Variants in ODAD2 observed in about 807,000 individuals in gnomAD.
The protein encoded by ODAD2 is outer dynein arm-docking complex subunit 2.
ODAD2 carries 89 observed loss-of-function variants against 106.8 expected under a neutral mutation model. The ratio of observed to expected loss-of-function variants is 0.83; its 90% confidence interval spans 0.70 to 0.99. The LOEUF is 0.99. ODAD2 is among the 50% of genes least tolerant of loss of function. ODAD2 has a pLI of 0.00. For synonymous variants in ODAD2, 404 were observed against 436.2 expected (o/e 0.93, Z 0.92); for missense variants, 1,168 against 1,238.5 (o/e 0.94, Z 0.85).
At chr10:27,826,242 C>T (rs1487788041) in intron 19 of ODAD2, among the ~76,000 whole-genome samples, 2 of 152,178 alleles carry the variant, frequency 1.3e-5, no homozygotes, top group Admixed American at 6.5e-5. Context: ...AGGTTTGACT[C>T]TCTGTTCTCT....
At chr10:27,936,070 T>C (rs780821955) in intron 15 of ODAD2, among the ~76,000 whole-genome samples, 1 of 152,182 alleles carries the variant, frequency 6.6e-6, no homozygotes, top group Non-Finnish European at 1.5e-5. Context: ...CACTACGCCT[T>C]ATTAAGTAAA....
intron 19 of ODAD2, among the ~76,000 whole-genome samples, chr10:27,851,723 C>G (rs939181295): frequency 6.6e-6 from 1 of 151,936 alleles, no homozygotes; most frequent in African/African-American, 2.4e-5. Context: ...GTGGCGTTTA[C>G]AAGGACAGTA....
chr10:27,917,608 G>C (rs1457465073), intron 16 of ODAD2, among the ~76,000 whole-genome samples: 1 of 151,940 alleles, frequency 6.6e-6, no homozygotes, highest in South Asian at 2.1e-4. Context: ...GAATAAAAAT[G>C]GTAAACCACT....
At chr10:27,922,168 A>G (rs1050847228) in intron 16 of ODAD2, among the ~76,000 whole-genome samples, 1 of 150,304 alleles carries the variant, frequency 6.7e-6, no homozygotes, top group Non-Finnish European at 1.5e-5. Context: ...AAAAAAAAAA[A>G]GAAAGAAAAC....
At chr10:27,998,819 C>T (rs896022891) in intron 1 of ODAD2, among the ~76,000 whole-genome samples, 175 bp downstream of exon 1, 1 of 152,130 alleles carries the variant, frequency 6.6e-6, no homozygotes, top group Non-Finnish European at 1.5e-5. Flanking sequence ...CACCCTGCCC[C>T]CCGCAGTCGG....
At chr10:27,861,718 A>G (rs548484912) in intron 18 of ODAD2, among the ~76,000 whole-genome samples, 1 of 152,344 alleles carries the variant, frequency 6.6e-6, no homozygotes, top group Non-Finnish European at 1.5e-5. Context: ...TTGTATACGT[A>G]ATTGCCCTGT....
At chr10:27,899,158 G>C (rs1419429938) in intron 17 of ODAD2, among the ~76,000 whole-genome samples, 1 of 151,668 alleles carries the variant, frequency 6.6e-6, no homozygotes, top group Non-Finnish European at 1.5e-5. Context: ...GCCCACGGAG[G>C]GCAAGCAGAA....
chr10:27,995,950 T>A (rs561051811), intron 1 of ODAD2, among the ~76,000 whole-genome samples: 1 of 152,320 alleles, frequency 6.6e-6, no homozygotes, highest in South Asian at 2.1e-4. Context: ...AGCCTTTTTA[T>A]CTAAATTAGT....
chr10:27,871,304 T>C (rs1370691198), intron 17 of ODAD2, among the ~76,000 whole-genome samples: 1 of 152,236 alleles, frequency 6.6e-6, no homozygotes, highest in African/African-American at 2.4e-5. Flanking sequence ...ATTCTGTAGG[T>C]TGCCTGTTCA....
At chr10:27,995,481 A>T (rs556047739) in intron 1 of ODAD2, among the ~76,000 whole-genome samples, 1 of 152,074 alleles carries the variant, frequency 6.6e-6, no homozygotes, top group South Asian at 2.1e-4. Context: ...CAAATAGAAA[A>T]CTCCAAGAGT....
At chr10:27,962,078 C>T (rs1416905414) in intron 9 of ODAD2, among the ~76,000 whole-genome samples, 8 of 152,046 alleles carry the variant, frequency 5.3e-5, no homozygotes, top group Admixed American at 3.3e-4. Context: ...TGTCTCAAAA[C>T]ATAAAAATAA....
intron 19 of ODAD2, among the ~76,000 whole-genome samples, chr10:27,814,220 T>A (rs897304741): frequency 1.3e-5 from 2 of 152,086 alleles, no homozygotes; most frequent in African/African-American, 4.8e-5. Flanking sequence ...ACTCGCAGAT[T>A]GAATCCCAGC....
chr10:27,888,908 T>C (rs1191759525), intron 17 of ODAD2, among the ~76,000 whole-genome samples: 1 of 152,144 alleles, frequency 6.6e-6, no homozygotes, highest in Non-Finnish European at 1.5e-5. Flanking sequence ...TGCAAAAATG[T>C]AACTCAAAAT....
chr10:27,817,590 T>G (rs943847249), intron 19 of ODAD2, among the ~76,000 whole-genome samples: 7 of 152,200 alleles, frequency 4.6e-5, no homozygotes, highest in South Asian at 4.1e-4. Flanking sequence ...CATGCAGTTT[T>G]GACTTTCTGT....
At position 27,969,098 on chromosome 10, in the gene ODAD2, A is replaced by C. The variant is rs546859872; in HGVS notation, c.1143-80T>G. 39 of 607,864 alleles carry C rather than the reference A, an allele frequency of 6.4e-5. No individual in the cohort carries two copies. The African/African-American group carries it at 6.8e-4, about 11-fold the overall frequency. 37.7% of individuals were successfully genotyped at this position (607,864 alleles called of 1,614,324 possible). A position where few individuals can be genotyped will look rare whatever the true frequency, so the allele number is the denominator to read the frequency against. On this transcript the variant is annotated intron_variant, in intron 8 of 19. Transcript: ENST00000305242. ...AAATAAAAGATGGCAATGTAGATAT[A>C]TACTCCGTTATTTCCATGTGCTCAA...
intron 16 of ODAD2, 46 bp downstream of exon 16, chr10:27,934,964 C>A (rs770711530): frequency 3.6e-5 from 58 of 1,601,364 alleles, no homozygotes; most frequent in Non-Finnish European, 5.0e-5. Flanking sequence ...CCCAAGTGTT[C>A]TCCCTAACAC....
At chr10:27,851,411 G>A (rs1397586786) in intron 19 of ODAD2, among the ~76,000 whole-genome samples, 1 of 151,964 alleles carries the variant, frequency 6.6e-6, no homozygotes, top group Non-Finnish European at 1.5e-5. Context: ...TAACATTCAA[G>A]GAATTGAAAG....
chr10:27,991,546 G>A (rs1356598728), intron 2 of ODAD2, among the ~76,000 whole-genome samples: 1 of 152,154 alleles, frequency 6.6e-6, no homozygotes, highest in Non-Finnish European at 1.5e-5. Context: ...TTTGGAATGT[G>A]CAACATCAAA....
rs1334827223 is a variant in ODAD2, at chr10:27,944,359, C to T, written c.1606G>A (p.Gly536Ser). The T allele has an allele frequency of 1.9e-6, 3 of 1,613,858 alleles. No individual in the cohort carries two copies. Among genetic ancestry groups the T allele is most frequent in the African/African-American group, 2.7e-5 (2 of 74,888 alleles). ...AGTATATTCACCATAATTGGTAAGC[C>T]CCCAAGGTCAACAATATTCTGTCTG... ...QIRQNIVDLG[G>S]LPIMVNILDS... The change falls in exon 12 of 20, where the codon GGC (glycine) becomes AGC (serine). Residue 536 changes from glycine to serine, a missense_variant. Transcript: ENST00000305242.
Sources: gnomAD v4.1 joint callset for allele counts (sites outside exome capture counted in the v4.1 genomes callset) on GRCh38, gnomAD v4.1.1 for gene constraint, MANE v1.5 for transcripts, NCBI Gene and HGNC (gene_info 2026-07-23, HGNC 2026-07-21) for gene names.